The following FBXL17 variants were observed in gnomAD, a reference collection of about 807,000 sequenced individuals.
FBXL17 encodes F-box and leucine rich repeat protein 17.
FBXL17 carries 22 observed loss-of-function variants against 66.2 expected under a neutral mutation model. The ratio of observed to expected loss-of-function variants is 0.33; its 90% confidence interval spans 0.24 to 0.47. The LOEUF is 0.47. Ranked by LOEUF, FBXL17 falls within the 20% of genes least tolerant of loss-of-function variation. The probability of loss-of-function intolerance (pLI) is 1.00; values close to 1 mark genes in which losing one functional copy is unlikely to be tolerated. For synonymous variants in FBXL17, 474 were observed against 400.5 expected, an observed-to-expected ratio of 1.18 and a Z score of -2.19; for missense variants, 878 against 948.2, an observed-to-expected ratio of 0.93 and a Z score of 0.97.
chr5:107,983,826 G>A (rs987881410), intron 7 of FBXL17, among the ~76,000 whole-genome samples: 3 of 152,098 alleles, frequency 2.0e-5, no homozygotes, highest in Non-Finnish European at 4.4e-5. Context: ...AATAGAAATG[G>A]AAGAGACTAG....
intron 4 of FBXL17, among the ~76,000 whole-genome samples, chr5:108,262,094 T>TA (rs1401680669): frequency 6.7e-6 from 1 of 149,634 alleles, no homozygotes; most frequent in African/African-American, 2.5e-5. Flanking sequence ...TTATTTTTTT[T>TA]GAGACAGAGT....
intron 7 of FBXL17, among the ~76,000 whole-genome samples, chr5:107,898,685 T>C (rs1749465927): frequency 6.6e-6 from 1 of 152,146 alleles, no homozygotes; most frequent in Admixed American, 6.5e-5. Flanking sequence ...GTGTTCTCAT[T>C]GTTCAACTCC....
At chr5:108,259,479 C>T (rs1278423371) in intron 4 of FBXL17, among the ~76,000 whole-genome samples, 1 of 152,126 alleles carries the variant, frequency 6.6e-6, no homozygotes, top group Non-Finnish European at 1.5e-5. Context: ...CATTCCTGAC[C>T]TGCCAGCTGC....
intron 4 of FBXL17, among the ~76,000 whole-genome samples, chr5:108,300,070 G>A (rs1262296516): frequency 1.3e-5 from 2 of 151,908 alleles, no homozygotes; most frequent in Admixed American, 6.6e-5. Flanking sequence ...TATATCAGCA[G>A]TTCACTTAAG....
chr5:108,327,481 T>C (rs1759912469), intron 4 of FBXL17, among the ~76,000 whole-genome samples: 4 of 152,134 alleles, frequency 2.6e-5, no homozygotes, highest in Non-Finnish European at 1.5e-5. Flanking sequence ...AGTAAGATGA[T>C]TTAACTGCAA....
At chr5:108,165,109 G>A (rs1033883787) in intron 6 of FBXL17, among the ~76,000 whole-genome samples, 2 of 152,116 alleles carry the variant, frequency 1.3e-5, no homozygotes, top group Non-Finnish European at 2.9e-5. Flanking sequence ...GTTATTTATA[G>A]GAGTAAAAAT....
Position 108,016,496 on chromosome 5 carries a change from A to G in FBXL17, c.1822+4429T>C, listed in dbSNP as rs1437794415. Among the ~76,000 whole-genome samples the G allele has an allele frequency of 2.6e-5, 4 of 152,314 alleles. No homozygotes were observed. In the East Asian group the frequency reaches 7.7e-4, roughly 29 times the overall value. On this transcript the variant is annotated intron_variant, in intron 7 of 8. Coordinates refer to ENST00000542267, the MANE Select transcript of FBXL17 (RefSeq NM_001163315.3). Reference sequence around the variant, plus strand: ...TAGGGCCCACAGGAGTGCTAAAGTGAAAAAAGAATGTGACAACTCAGAAAG... The same window carrying G: ...TAGGGCCCACAGGAGTGCTAAAGTGGAAAAAGAATGTGACAACTCAGAAAG...
At chr5:108,043,582 T>A (rs529769036) in intron 6 of FBXL17, among the ~76,000 whole-genome samples, 1 of 152,326 alleles carries the variant, frequency 6.6e-6, no homozygotes, top group Middle Eastern at 3.4e-3. Context: ...TCCATTAATC[T>A]GTATGTCTAG....
rs1748086803 is a variant in FBXL17, at chr5:107,860,297, A to C, written c.*1423T>G. The C allele has an allele frequency of 6.6e-6, 1 of 152,648 alleles. No individual in the cohort carries two copies. The highest frequency in any genetic ancestry group is 2.1e-4 in the South Asian group (1 of 4,834). The allele number at this position is 152,648 out of a possible 1,614,324, so 9.5% of individuals were successfully genotyped here. A position where few individuals can be genotyped will look rare whatever the true frequency, so the allele number is the denominator to read the frequency against. On this transcript the variant is annotated 3_prime_UTR_variant, in exon 9 of 9. Transcript: ENST00000542267. ...CAGTTATATTCACTCAGGGAAAAAT[A>C]AATAGCAACTTCACAAGTTAGGGTT...
chr5:108,154,391 C>T (rs548111878), intron 6 of FBXL17, among the ~76,000 whole-genome samples: 3 of 149,838 alleles, frequency 2.0e-5, no homozygotes, highest in South Asian at 2.1e-4. Flanking sequence ...GTCAGGAGTT[C>T]GAGACCAGCC....
chr5:108,171,996 T>C (rs888411585), intron 6 of FBXL17, among the ~76,000 whole-genome samples: 3 of 152,176 alleles, frequency 2.0e-5, no homozygotes, highest in Admixed American at 1.3e-4. Flanking sequence ...CTCCTTGCCT[T>C]CCGCCATGAT....
At chr5:107,892,913 C>T (rs1025897123) in intron 7 of FBXL17, among the ~76,000 whole-genome samples, 6 of 152,116 alleles carry the variant, frequency 3.9e-5, no homozygotes, top group Non-Finnish European at 7.4e-5. Context: ...TAGTAGAGAA[C>T]TAGATTAGAA....
chr5:108,096,226 G>GACTCTTC (rs1263986919), intron 6 of FBXL17, among the ~76,000 whole-genome samples: 6 of 152,164 alleles, frequency 3.9e-5, no homozygotes, highest in Non-Finnish European at 7.4e-5. Context: ...TCCACACACG[G>GACTCTTC]AGCATTAGCA....
intron 7 of FBXL17, among the ~76,000 whole-genome samples, chr5:107,938,497 G>A (rs1247615477): frequency 6.6e-6 from 1 of 152,082 alleles, no homozygotes; most frequent in East Asian, 1.9e-4. Context: ...GTAGTCAGAA[G>A]AAGTAGCATG....
intron 4 of FBXL17, among the ~76,000 whole-genome samples, chr5:108,345,117 G>T (rs1434295425): frequency 1.3e-5 from 2 of 152,066 alleles, no homozygotes; most frequent in African/African-American, 4.8e-5. Context: ...GGCGGATCAT[G>T]AGGTCAGGAG....
At chr5:108,317,706 C>A (rs978957739) in intron 4 of FBXL17, among the ~76,000 whole-genome samples, 2 of 151,236 alleles carry the variant, frequency 1.3e-5, no homozygotes, top group Admixed American at 6.6e-5. Flanking sequence ...ATAAGCATAA[C>A]CTAAGTATAG....
chr5:107,912,496 A>G (rs1749983349), intron 7 of FBXL17, among the ~76,000 whole-genome samples: 4 of 152,178 alleles, frequency 2.6e-5, no homozygotes, highest in Admixed American at 2.6e-4. Context: ...AGAACAAAGT[A>G]CATCTATATG....
chr5:107,957,048 G>A (rs1476729765), intron 7 of FBXL17, among the ~76,000 whole-genome samples: 1 of 152,190 alleles, frequency 6.6e-6, no homozygotes, highest in African/African-American at 2.4e-5. Flanking sequence ...CTGTGAGGTT[G>A]ACTCCTTTAA....
At chr5:107,946,137 G>A (rs1229479468) in intron 7 of FBXL17, among the ~76,000 whole-genome samples, 1 of 150,340 alleles carries the variant, frequency 6.7e-6, no homozygotes, top group Non-Finnish European at 1.5e-5. Context: ...AGATTGGCTA[G>A]TAATAGGGTT....
Sources: gnomAD v4.1 joint callset for allele counts (sites outside exome capture counted in the v4.1 genomes callset) on GRCh38, gnomAD v4.1.1 for gene constraint, MANE v1.5 for transcripts, NCBI Gene and HGNC (gene_info 2026-07-23, HGNC 2026-07-21) for gene names.